The following DLGAP2 variants were observed in gnomAD, a reference collection of about 807,000 sequenced individuals.
The protein encoded by DLGAP2 is disks large-associated protein 2.
Under a neutral mutation model 100.3 loss-of-function variants are expected in DLGAP2, and 26 were observed. The ratio of observed to expected loss-of-function variants is 0.26; its 90% CI spans 0.19 to 0.36. The LOEUF (loss-of-function observed/expected upper bound fraction) is 0.36. DLGAP2 is among the 10% of genes least tolerant of loss of function. The pLI, the probability that DLGAP2 is intolerant of heterozygous loss-of-function variation, is 1.00. For synonymous variants in DLGAP2, 886 were observed against 630.1 expected, an observed-to-expected ratio of 1.41 and a Z score of -6.08; for missense variants, 1,858 against 1,453.2, an observed-to-expected ratio of 1.28 and a Z score of -4.53.
intron 2 of DLGAP2, among the ~76,000 whole-genome samples, chr8:1,094,670 C>G (rs1396069256): frequency 1.3e-5 from 2 of 152,192 alleles, no homozygotes; most frequent in African/African-American, 4.8e-5. Context: ...AAAATGCCCT[C>G]TGTTTTGTGT....
At position 1,615,991 on chromosome 8, in the gene DLGAP2, T is replaced by C. The variant is rs186009751; in HGVS notation, c.1443-10749T>C. Among the ~76,000 whole-genome samples, 267 of 152,218 alleles carry C rather than the reference T, an allele frequency of 1.8e-3. 1 individual carries two copies. Among genetic ancestry groups the C allele is most frequent in the Non-Finnish European group, 3.4e-3 (229 of 68,024 alleles). On this transcript the variant is annotated intron_variant, in intron 6 of 14. Coordinates refer to ENST00000637795, the MANE Select transcript of DLGAP2 (RefSeq NM_001346810.2). ...CTTATGAATGATATAAAAATGTCTG[T>C]TACAAGGTTAAAGATGTTAAAGGAG...
At chr8:1,243,907 T>G (rs971337714) in intron 2 of DLGAP2, among the ~76,000 whole-genome samples, 3 of 152,202 alleles carry the variant, frequency 2.0e-5, no homozygotes, top group African/African-American at 7.2e-5. Flanking sequence ...TGTTCTCTTA[T>G]TAAAGAAACT....
chr8:958,582 C>CA (rs1207044026), intron 2 of DLGAP2, among the ~76,000 whole-genome samples: 865 of 84,532 alleles, frequency 0.01, no homozygotes, highest in Middle Eastern at 0.022. Context: ...ACTAGACCTC[C>CA]AAAAAAAAAA....
At chr8:739,327 G>T (rs1040579645) in intron 1 of DLGAP2, 1 of 152,306 alleles carries the variant, frequency 6.6e-6, no homozygotes, top group Admixed American at 6.5e-5. Flanking sequence ...CCGACAATCC[G>T]CCCTGTCAGG....
At chr8:1,569,867 T>C (rs1417950613) in intron 6 of DLGAP2, among the ~76,000 whole-genome samples, 1 of 147,668 alleles carries the variant, frequency 6.8e-6, no homozygotes, top group African/African-American at 2.6e-5. Flanking sequence ...CTTCACCCCA[T>C]GGCACTGCTC....
chr8:932,953 T>C (rs1798992013), intron 2 of DLGAP2, among the ~76,000 whole-genome samples: 1 of 152,240 alleles, frequency 6.6e-6, no homozygotes, highest in African/African-American at 2.4e-5. Flanking sequence ...CTTAGACTGT[T>C]TTGGGCAAAG....
intron 2 of DLGAP2, among the ~76,000 whole-genome samples, chr8:1,112,397 C>T (rs188585651): frequency 6.6e-5 from 10 of 152,142 alleles, no homozygotes; most frequent in African/African-American, 2.2e-4. Flanking sequence ...TCCACCACTA[C>T]ACCCGGCTAA....
At chr8:1,220,182 T>G (rs953685701) in intron 2 of DLGAP2, among the ~76,000 whole-genome samples, 6 of 152,194 alleles carry the variant, frequency 3.9e-5, no homozygotes, top group African/African-American at 1.2e-4. Context: ...GTTTTCTAGT[T>G]TCTTTAGGTG....
At chr8:1,378,422 GCACACACCTGACCTCACCTGTCCA>G (rs1796012557) in intron 3 of DLGAP2, among the ~76,000 whole-genome samples, 1 of 149,622 alleles carries the variant, frequency 6.7e-6, no homozygotes, top group African/African-American at 2.5e-5. Flanking sequence ...TGTCCGTCCT[GCACACACCTGACCTCACCTGTCCA>G]TCCTGCGCAC....
At chr8:769,753 G>A (rs904051359) in intron 1 of DLGAP2, among the ~76,000 whole-genome samples, 20 of 152,112 alleles carry the variant, frequency 1.3e-4, no homozygotes, top group Middle Eastern at 3.2e-3. Flanking sequence ...AGCCTCTTGC[G>A]TTCCCTGGGA....
In DLGAP2 at chr8:1,703,464, G is replaced by A. The variant is rs141746206; in HGVS notation, c.*2058G>A. On this transcript the variant is annotated 3_prime_UTR_variant, in exon 15 of 15. Coordinates refer to ENST00000637795, the MANE Select transcript of DLGAP2 (RefSeq NM_001346810.2). ...ATTATGTTAAAACAAATGTATTTGC[G>A]AGTATTGGCATTTTAGACTTTAAAA... 120 of 152,638 alleles carry A rather than the reference G, an allele frequency of 7.9e-4. 1 individual carries two copies. The highest frequency in any genetic ancestry group is 4.2e-3 in the East Asian group (22 of 5,188). The allele number at this position is 152,638 out of a possible 1,614,324, so 9.5% of individuals were successfully genotyped here. A position where few individuals can be genotyped will look rare whatever the true frequency, so the allele number is the denominator to read the frequency against.
At chr8:1,666,962 CT>C (rs1798559413) in intron 8 of DLGAP2, among the ~76,000 whole-genome samples, 1 of 152,214 alleles carries the variant, frequency 6.6e-6, no homozygotes, top group African/African-American at 2.4e-5. Context: ...GGGAAAACTG[CT>C]GCTCGGTCTG....
rs560349685 is a variant in DLGAP2 at position 1,243,916 on chromosome 8, C to CTG, written c.74-14934_74-14933dup. On this transcript the variant is annotated intron_variant, in intron 2 of 14. Coordinates refer to ENST00000637795, the MANE Select transcript of DLGAP2 (RefSeq NM_001346810.2). ...AGCATCTGTTCTCTTATTAAAGAAACTGATCAAGTCCCTGCTGTGTGTCCT... is the reference window on the plus strand; with the variant it reads ...AGCATCTGTTCTCTTATTAAAGAAACTGTGATCAAGTCCCTGCTGTGTGTCCT... Among the ~76,000 whole-genome samples the CTG allele has an allele frequency of 1.5e-3, 222 of 152,344 alleles. 1 individual carries two copies. Among genetic ancestry groups the CTG allele is most frequent in the African/African-American group, 4.2e-3 (176 of 41,574 alleles).
At chr8:1,556,791 C>G (rs893776645) in intron 5 of DLGAP2, among the ~76,000 whole-genome samples, 1 of 152,188 alleles carries the variant, frequency 6.6e-6, no homozygotes, top group African/African-American at 2.4e-5. Flanking sequence ...CCACAACAAA[C>G]AAACAGGAAA....
At chr8:1,175,602 C>G (rs376065659) in intron 2 of DLGAP2, among the ~76,000 whole-genome samples, 12 of 152,118 alleles carry the variant, frequency 7.9e-5, no homozygotes, top group African/African-American at 2.7e-4. Flanking sequence ...GACTAAATGC[C>G]AGTCTGTCTC....
intron 2 of DLGAP2, among the ~76,000 whole-genome samples, chr8:984,592 A>G (rs10104214): frequency 0.19 from 28,261 of 152,132 alleles, 2,890 homozygotes; most frequent in Non-Finnish European, 0.24. Flanking sequence ...GCGCAGTAGT[A>G]AGAACAGCTC....
chr8:737,665 G>A lies in DLGAP2; in HGVS notation c.-143G>A, dbSNP rs1820352147. ...CGCCGGGCTCGAGCGCGGTCTGAGC[G>A]CGCGGCGCCTGCGGCGGCGAACGGA... On this transcript the variant is annotated 5_prime_UTR_variant, in exon 1 of 15. Coordinates refer to ENST00000637795, the MANE Select transcript of DLGAP2 (RefSeq NM_001346810.2). 2.8e-6 allele frequency: 1 copy of A among 359,634 alleles called. No homozygotes were observed. Among genetic ancestry groups the A allele is most frequent in the Non-Finnish European group, 5.0e-6 (1 of 200,984 alleles). 22.3% of individuals were successfully genotyped at this position (359,634 alleles called of 1,614,324 possible).
intron 3 of DLGAP2, among the ~76,000 whole-genome samples, chr8:1,426,205 A>G (rs1433409797): frequency 2.6e-5 from 4 of 152,196 alleles, no homozygotes; most frequent in Non-Finnish European, 4.4e-5. Flanking sequence ...CAATACCCAC[A>G]TCAGCAAATT....
At chr8:1,370,532 G>A (rs961103712) in intron 3 of DLGAP2, among the ~76,000 whole-genome samples, 1 of 152,028 alleles carries the variant, frequency 6.6e-6, no homozygotes, top group African/African-American at 2.4e-5. Flanking sequence ...CATTTCTTTT[G>A]TGTTTCATTT....
Sources: allele counts gnomAD v4.1 joint callset (sites outside exome capture counted in the v4.1 genomes callset), GRCh38; gene constraint gnomAD v4.1.1; transcripts MANE v1.5; gene names NCBI Gene and HGNC (gene_info 2026-07-23, HGNC 2026-07-21).